Variants in GRIP1 observed in about 807,000 individuals in gnomAD.
GRIP1 encodes glutamate receptor interacting protein 1.
Under a neutral mutation model 129.9 loss-of-function variants are expected in GRIP1, and 45 were observed. That is an observed-to-expected ratio of 0.35 (90% CI 0.27 to 0.44). GRIP1 has a LOEUF of 0.44. Among genes scored for constraint, GRIP1 ranks in the 20% least tolerant of loss-of-function variants. The pLI is 1.00. For synonymous variants in GRIP1, 530 were observed against 520.8 expected (o/e 1.02, Z -0.24); for missense variants, 1,196 against 1,396.8 (o/e 0.86, Z 2.29).
At chr12:66,660,830 T>G (rs1446684074) in intron 1 of GRIP1, among the ~76,000 whole-genome samples, 1 of 152,124 alleles carries the variant, frequency 6.6e-6, no homozygotes, top group Non-Finnish European at 1.5e-5. Context: ...CTATGCCCAT[T>G]AGAGTAGTGG....
chr12:67,031,527 T>C (rs1375408917), intron 1 of GRIP1, among the ~76,000 whole-genome samples: 1 of 152,152 alleles, frequency 6.6e-6, no homozygotes. Context: ...TATCACTCTC[T>C]TGACCTCCAG....
intron 1 of GRIP1, among the ~76,000 whole-genome samples, chr12:66,947,703 T>C (rs1227689284): frequency 6.6e-6 from 1 of 152,210 alleles, no homozygotes; most frequent in Admixed American, 6.5e-5. Context: ...TGAACAAGAA[T>C]TCTAACCAAA....
chr12:66,409,145 A>G (rs2057299567), intron 15 of GRIP1, among the ~76,000 whole-genome samples: 1 of 152,078 alleles, frequency 6.6e-6, no homozygotes, highest in Non-Finnish European at 1.5e-5. Flanking sequence ...CCACCTGCTG[A>G]TTGTAGAGCC....
At chr12:66,695,114 C>G (rs548340117) in intron 1 of GRIP1, among the ~76,000 whole-genome samples, 3 of 152,172 alleles carry the variant, frequency 2.0e-5, no homozygotes, top group Non-Finnish European at 4.4e-5. Flanking sequence ...CAGTGCAGTA[C>G]GATGTGTTAG....
intron 7 of GRIP1, among the ~76,000 whole-genome samples, chr12:66,469,074 G>A (rs1011117952): frequency 6.6e-6 from 1 of 152,186 alleles, no homozygotes; most frequent in East Asian, 1.9e-4. Flanking sequence ...TTAATTTAAA[G>A]TCATGGTTAA....
At chr12:66,989,620 TAG>T (rs751445827) in intron 1 of GRIP1, among the ~76,000 whole-genome samples, 2 of 152,200 alleles carry the variant, frequency 1.3e-5, no homozygotes, top group Non-Finnish European at 2.9e-5. Context: ...ATTTCACTCA[TAG>T]AGACTTTTTT....
At chr12:66,824,678 T>C (rs575554487) in intron 1 of GRIP1, among the ~76,000 whole-genome samples, 1 of 152,244 alleles carries the variant, frequency 6.6e-6, no homozygotes, top group Non-Finnish European at 1.5e-5. Context: ...CAAGGATAAT[T>C]ATAACCAAGA....
chr12:66,499,884 C>T (rs1364753205), intron 7 of GRIP1, among the ~76,000 whole-genome samples: 2 of 152,104 alleles, frequency 1.3e-5, no homozygotes, highest in African/African-American at 4.8e-5. Flanking sequence ...GTTGTGCACG[C>T]CTGTAGTCCC....
intron 2 of GRIP1, among the ~76,000 whole-genome samples, chr12:66,589,204 C>G: frequency 2.8e-5 from 4 of 141,868 alleles, no homozygotes; most frequent in Admixed American, 7.2e-5. Context: ...TTCTCTCTCT[C>G]TCTCTCTCTC....
intron 7 of GRIP1, among the ~76,000 whole-genome samples, chr12:66,466,721 A>G (rs1208327495): frequency 1.3e-5 from 2 of 152,194 alleles, no homozygotes; most frequent in African/African-American, 2.4e-5. Flanking sequence ...TATTTTCATT[A>G]TTGCTATATT....
chr12:66,819,726 T>C (rs899885941), intron 1 of GRIP1, among the ~76,000 whole-genome samples: 4 of 152,226 alleles, frequency 2.6e-5, no homozygotes, highest in African/African-American at 9.6e-5. Context: ...TGAGCATCAC[T>C]ACTCTATCCT....
rs59891449 is a variant in GRIP1, at chr12:67,066,888, T to TTTTTTATA, written c.58+2161_58+2162insTATAAAAA. On this transcript the variant is annotated intron_variant, in intron 1 of 1. Transcript: ENST00000643019. The stretch of plus-strand genomic sequence containing the variant: ...TAGGCAGCTCAGTTTAAATATATAT[T>TTTTTTATA]TATATATATATATATATATATATAC... 4.1e-4 allele frequency among the ~76,000 whole-genome samples: 52 copies of TTTTTTATA among 125,646 alleles called. No individual in the cohort carries two copies. The East Asian group carries it at 5.9e-3, about 14-fold the overall frequency. The allele number at this position is 125,646 out of a possible 152,430, so 82.4% of individuals were successfully genotyped here.
At chr12:66,358,011 G>A (rs1003803639) in intron 23 of GRIP1, among the ~76,000 whole-genome samples, 3 of 151,844 alleles carry the variant, frequency 2.0e-5, no homozygotes, top group Admixed American at 6.6e-5. Context: ...CTCGTGCCTC[G>A]GCCTCCTGAG....
intron 1 of GRIP1, among the ~76,000 whole-genome samples, chr12:66,941,705 C>A (rs1271946237): frequency 2.6e-5 from 4 of 152,134 alleles, no homozygotes; most frequent in African/African-American, 9.7e-5. Context: ...TTTCATACCA[C>A]CCCTGAGATA....
chr12:66,440,511 A>G (rs1245671520), intron 13 of GRIP1, among the ~76,000 whole-genome samples: 1 of 152,086 alleles, frequency 6.6e-6, no homozygotes, highest in Non-Finnish European at 1.5e-5. Context: ...CTCTGTCTCC[A>G]GGAGTTCAAT....
At chr12:66,468,781 T>A (rs2059358096) in intron 7 of GRIP1, among the ~76,000 whole-genome samples, 1 of 152,090 alleles carries the variant, frequency 6.6e-6, no homozygotes. Flanking sequence ...GAAATTGTTC[T>A]GGTAGAAAGA....
intron 9 of GRIP1, among the ~76,000 whole-genome samples, chr12:66,459,319 T>C (rs548494536): frequency 6.6e-6 from 1 of 152,354 alleles, no homozygotes; most frequent in East Asian, 1.9e-4. Context: ...CATTCTACTT[T>C]GGGTGTACAA....
chr12:66,445,053 T>A (rs2058582326), intron 12 of GRIP1, among the ~76,000 whole-genome samples: 1 of 152,242 alleles, frequency 6.6e-6, no homozygotes, highest in South Asian at 2.1e-4. Flanking sequence ...AAGTTGAACT[T>A]CAGGATATGT....
chr12:66,836,794 T>C (rs1030493350), intron 1 of GRIP1, among the ~76,000 whole-genome samples: 1 of 152,180 alleles, frequency 6.6e-6, no homozygotes, highest in African/African-American at 2.4e-5. Context: ...TAGGCCTCAT[T>C]TACAGGCTGG....
Sources: allele counts gnomAD v4.1 joint callset (sites outside exome capture counted in the v4.1 genomes callset), GRCh38; gene constraint gnomAD v4.1.1; transcripts MANE v1.5; gene names NCBI Gene and HGNC (gene_info 2026-07-23, HGNC 2026-07-21).